The following UBR2 variants were observed in gnomAD, a reference collection of about 807,000 sequenced individuals.
The protein encoded by UBR2 is ubiquitin protein ligase E3 component n-recognin 2.
A neutral mutation model predicts 247.9 loss-of-function variants in UBR2; 92 were observed. That is an observed-to-expected ratio of 0.37 (90% CI 0.31 to 0.44). The LOEUF is 0.44. UBR2 is among the 20% of genes least tolerant of loss of function. The pLI, the probability that UBR2 is intolerant of heterozygous loss-of-function variation, is 1.00. For missense variants in UBR2, 1,613 were observed against 2,112.6 expected, an observed-to-expected ratio of 0.76 and a Z score of 4.64; for synonymous variants, 672 against 693.5, an observed-to-expected ratio of 0.97 and a Z score of 0.49.
rs905262392 is a variant in UBR2, at chr6:42,691,931, G to C, written c.*758G>C. 6.6e-5 allele frequency: 10 copies of C among 151,874 alleles called. No individual in the cohort carries two copies. Among genetic ancestry groups the C allele is most frequent in the African/African-American group, 2.2e-4 (9 of 41,352 alleles). 9.4% of individuals were successfully genotyped at this position (151,874 alleles called of 1,614,324 possible). A position where few individuals can be genotyped will look rare whatever the true frequency, so the allele number is the denominator to read the frequency against. ...AAATTAGGATATTCTAAAAGAATATGGATTAAAAATTTAGGATATTCTTTT... is the reference window on the plus strand; with the variant it reads ...AAATTAGGATATTCTAAAAGAATATCGATTAAAAATTTAGGATATTCTTTT... On this transcript the variant is annotated 3_prime_UTR_variant, in exon 47 of 47. Coordinates refer to ENST00000372901, the MANE Select transcript of UBR2 (RefSeq NM_001363705.2).
chr6:42,581,541 C>T (rs541326736), intron 2 of UBR2, among the ~76,000 whole-genome samples: 9 of 152,246 alleles, frequency 5.9e-5, no homozygotes, highest in Non-Finnish European at 1.3e-4. Flanking sequence ...TGCCCAGGCT[C>T]ATCTTGAACT....
At chr6:42,588,768 C>G (rs1455611452) in intron 2 of UBR2, among the ~76,000 whole-genome samples, 1 of 152,186 alleles carries the variant, frequency 6.6e-6, no homozygotes, top group African/African-American at 2.4e-5. Context: ...TCTGAAAGCT[C>G]CAGCCCTCTT....
chr6:42,585,841 T>C (rs1052243110), intron 2 of UBR2, among the ~76,000 whole-genome samples: 1 of 152,194 alleles, frequency 6.6e-6, no homozygotes, highest in African/African-American at 2.4e-5. Flanking sequence ...TAATAAGTTT[T>C]TAGCTTTGTT....
Position 42,691,013 on chromosome 6 carries a change from A to G in UBR2, c.5127-19A>G, listed in dbSNP as rs1799724076. 1 of 1,613,186 alleles carries G rather than the reference A, an allele frequency of 6.2e-7. No homozygotes were observed. The highest frequency in any genetic ancestry group is 8.5e-7 in the Non-Finnish European group (1 of 1,179,772). On this transcript the variant is annotated intron_variant, in intron 46 of 46. Transcript: ENST00000372901. ...ATAAACAGAACACATTCTGAGTGAC[A>G]TGTGTCTTCTCTTTCTAGACGGGGA...
At chr6:42,649,034 G>C (rs1796947164) in intron 22 of UBR2, among the ~76,000 whole-genome samples, 1 of 151,884 alleles carries the variant, frequency 6.6e-6, no homozygotes, top group South Asian at 2.1e-4. Flanking sequence ...TTTCACTTCA[G>C]CCTGGGTAAC....
chr6:42,619,847 A>G, intron 11 of UBR2: 1 of 611,980 alleles, frequency 1.6e-6, no homozygotes, highest in South Asian at 7.4e-5. Flanking sequence ...CCTCCCAAGT[A>G]GCTGGGACCA....
intron 2 of UBR2, among the ~76,000 whole-genome samples, chr6:42,586,814 C>T (rs1410207592): frequency 5.8e-5 from 8 of 138,140 alleles, no homozygotes; most frequent in Admixed American, 1.6e-4. Flanking sequence ...ATATATTGCA[C>T]CTATAAACTT....
chr6:42,630,484 AT>A lies in UBR2; in HGVS notation c.1282-2056del, dbSNP rs571382373. Among the ~76,000 whole-genome samples the A allele has an allele frequency of 4.1e-3, 597 of 144,326 alleles. 1 individual carries two copies. The highest frequency in any genetic ancestry group is 5.0e-3 in the African/African-American group (199 of 39,854). The allele number at this position is 144,326 out of a possible 152,430, so 94.7% of individuals were successfully genotyped here. A position where few individuals can be genotyped will look rare whatever the true frequency, so the allele number is the denominator to read the frequency against. ...AGGCATAAGCCACTGCACCCAGCCT[AT>A]TTTTTTTTTTTGATACCCCTAAAGA... On this transcript the variant is annotated intron_variant, in intron 11 of 46. Coordinates refer to ENST00000372901, the MANE Select transcript of UBR2 (RefSeq NM_001363705.2).
chr6:42,658,347 A>G lies in UBR2; in HGVS notation c.3063+27A>G, dbSNP rs73424414. On this transcript the variant is annotated intron_variant, in intron 28 of 46. Transcript: ENST00000372901. ...TATAAACAGTAAAAAGTGTGATAATACTAAAAAATTACAGCAAGTTCAGTA... is the reference window on the plus strand; with the variant it reads ...TATAAACAGTAAAAAGTGTGATAATGCTAAAAAATTACAGCAAGTTCAGTA... 4,497 of 1,583,906 alleles carry G rather than the reference A, an allele frequency of 2.8e-3. 94 individuals carry two copies. In the African/African-American group the frequency reaches 0.056, roughly 20 times the overall value.
intron 4 of UBR2, 96 bp from the exon 5 acceptor site, chr6:42,603,492 T>C (rs953332479): frequency 1.6e-6 from 2 of 1,253,226 alleles, no homozygotes; most frequent in Non-Finnish European, 2.1e-6. Flanking sequence ...CAGTCAACTT[T>C]TTACTATACT....
intron 2 of UBR2, among the ~76,000 whole-genome samples, chr6:42,579,402 T>C (rs766918422): frequency 2.6e-5 from 4 of 152,118 alleles, no homozygotes; most frequent in Admixed American, 6.5e-5. Context: ...ACCTCCAACA[T>C]TGGGGATTAC....
At chr6:42,624,639 T>C (rs1795219357) in intron 11 of UBR2, among the ~76,000 whole-genome samples, 1 of 151,992 alleles carries the variant, frequency 6.6e-6, no homozygotes, top group Non-Finnish European at 1.5e-5. Context: ...TCAAGTATAA[T>C]TTGGTGAGCA....
intron 33 of UBR2, among the ~76,000 whole-genome samples, 190 bp from the exon 34 acceptor site, chr6:42,665,977 G>A (rs919523544): frequency 3.9e-5 from 6 of 151,966 alleles, no homozygotes; most frequent in Non-Finnish European, 7.4e-5. Context: ...TGTACTATAA[G>A]GAAAAGCATA....
Position 42,644,501 on chromosome 6 carries a change from T to C in UBR2, c.2249T>C (p.Ile750Thr). The C allele has an allele frequency of 1.2e-6, 2 of 1,611,854 alleles. No individual in the cohort carries two copies. Among genetic ancestry groups the C allele is most frequent in the Non-Finnish European group, 1.7e-6 (2 of 1,179,460 alleles). ...KDVVQQNNTL[I>T]EEMLYLIIML... ...GTTGTTCAGCAGAACAATACTCTAA[T>C]AGAAGAAATGCTATACCTCATTATA... The change falls in exon 20 of 47, where the codon ATA becomes ACA. Residue 750 changes from isoleucine to threonine, a missense_variant. Coordinates refer to ENST00000372901, the MANE Select transcript of UBR2 (RefSeq NM_001363705.2).
chr6:42,609,906 A>G (rs1211830178), intron 7 of UBR2, among the ~76,000 whole-genome samples: 1 of 151,696 alleles, frequency 6.6e-6, no homozygotes, highest in Non-Finnish European at 1.5e-5. Flanking sequence ...AAAAAAAAAA[A>G]AAGAAAAAAA....
chr6:42,651,507 A>AT (rs1350901290), intron 23 of UBR2, among the ~76,000 whole-genome samples: 17 of 150,526 alleles, frequency 1.1e-4, no homozygotes, highest in African/African-American at 2.7e-4. Context: ...TTTATTTTTT[A>AT]TTTTTTTTGA....
chr6:42,609,761 G>A (rs781012512), intron 7 of UBR2, among the ~76,000 whole-genome samples: 1 of 151,804 alleles, frequency 6.6e-6, no homozygotes, highest in Non-Finnish European at 1.5e-5. Flanking sequence ...CAGGCGTGGT[G>A]GCACACACCT....
At chr6:42,619,143 A>G (rs780592113) in intron 11 of UBR2, among the ~76,000 whole-genome samples, 41 of 151,804 alleles carry the variant, frequency 2.7e-4, no homozygotes, top group Non-Finnish European at 5.6e-4. Flanking sequence ...ATTTCATTTG[A>G]TAGCTTAAAT....
In UBR2 at chr6:42,691,278, C is replaced by T. The variant is rs1799737553; in HGVS notation, c.*105C>T. The T allele has an allele frequency of 1.3e-6, 2 of 1,481,962 alleles. No individual in the cohort carries two copies. Among genetic ancestry groups the T allele is most frequent in the African/African-American group, 1.4e-5 (1 of 69,998 alleles). The allele number at this position is 1,481,962 out of a possible 1,614,324, so 91.8% of individuals were successfully genotyped here. On this transcript the variant is annotated 3_prime_UTR_variant, in exon 47 of 47. Transcript: ENST00000372901. ...TTTGGAAATAAATTCTTTATTTAAACTTTCCTTCCCAGTTTTATAGTTTCT... is the reference window on the plus strand; with the variant it reads ...TTTGGAAATAAATTCTTTATTTAAATTTTCCTTCCCAGTTTTATAGTTTCT...
Sources: allele counts gnomAD v4.1 joint callset (sites outside exome capture counted in the v4.1 genomes callset), GRCh38; gene constraint gnomAD v4.1.1; transcripts MANE v1.5; gene names NCBI Gene and HGNC (gene_info 2026-07-23, HGNC 2026-07-21).